The following DAB1 variants were observed in gnomAD, a reference collection of about 807,000 sequenced individuals.
The protein encoded by DAB1 is disabled homolog 1.
A neutral mutation model predicts 64.6 loss-of-function variants in DAB1; 15 were observed. The ratio of observed to expected loss-of-function variants is 0.23; its 90% confidence interval spans 0.16 to 0.36. The LOEUF is 0.36. Among genes scored for constraint, DAB1 ranks in the 10% least tolerant of loss-of-function variants. The probability of loss-of-function intolerance (pLI) is 1.00; values close to 1 mark genes in which losing one functional copy is unlikely to be tolerated. For missense variants in DAB1, 596 were observed against 706.7 expected, an observed-to-expected ratio of 0.84 and a Z score of 1.78; for synonymous variants, 235 against 251.9, an observed-to-expected ratio of 0.93 and a Z score of 0.64.
At chr1:58,531,796 GC>G (rs1444474261) in intron 1 of DAB1, among the ~76,000 whole-genome samples, 2 of 151,766 alleles carry the variant, frequency 1.3e-5, no homozygotes, top group Non-Finnish European at 2.9e-5. Flanking sequence ...TGCAACCTCC[GC>G]CTCCAGGTTC....
chr1:58,361,719 C>T (rs944540500), intron 3 of DAB1, among the ~76,000 whole-genome samples: 2 of 152,064 alleles, frequency 1.3e-5, no homozygotes, highest in Admixed American at 6.6e-5. Context: ...TTATTTAACT[C>T]CCTGAGCCTC....
upstream of DAB1, among the ~76,000 whole-genome samples, chr1:57,886,746 T>C (rs1644229380): frequency 6.6e-6 from 1 of 152,164 alleles, no homozygotes; most frequent in Non-Finnish European, 1.5e-5. Flanking sequence ...TTGTAGACTT[T>C]GGACTCAAAG....
intron 1 of DAB1, among the ~76,000 whole-genome samples, chr1:57,319,518 G>A (rs769365627): frequency 2.6e-5 from 4 of 152,074 alleles, no homozygotes; most frequent in Non-Finnish European, 5.9e-5. Flanking sequence ...CTGGATGTCT[G>A]TTTCTTAACA....
intron 4 of DAB1, among the ~76,000 whole-genome samples, chr1:57,129,830 T>G (rs1446257913): frequency 6.6e-6 from 1 of 152,114 alleles, no homozygotes; most frequent in South Asian, 2.1e-4. Context: ...ATATAGCATC[T>G]TGGGCTCCAA....
chr1:58,405,702 C>T (rs997348662), intron 3 of DAB1, among the ~76,000 whole-genome samples: 2 of 152,198 alleles, frequency 1.3e-5, no homozygotes, highest in African/African-American at 4.8e-5. Context: ...CTTATGTCTC[C>T]TGCTCATTGC....
At chr1:58,478,364 C>T (rs1645440538) in intron 3 of DAB1, among the ~76,000 whole-genome samples, 1 of 152,150 alleles carries the variant, frequency 6.6e-6, no homozygotes, top group African/African-American at 2.4e-5. Context: ...GTCTTTATAG[C>T]AGTGTGAAAA....
At chr1:57,852,208 C>T (rs1653558751) in intron 1 of DAB1, among the ~76,000 whole-genome samples, 1 of 152,176 alleles carries the variant, frequency 6.6e-6, no homozygotes, top group African/African-American at 2.4e-5. Context: ...AGGTGTCCTG[C>T]CCTGTTCCCT....
chr1:57,543,872 G>A (rs1399623295), intron 7 of DAB1, among the ~76,000 whole-genome samples: 1 of 152,190 alleles, frequency 6.6e-6, no homozygotes, highest in African/African-American at 2.4e-5. Context: ...GGAGGCCACA[G>A]CCAGAGGATT....
chr1:58,168,248 G>T (rs1048527060), intron 4 of DAB1, among the ~76,000 whole-genome samples: 1 of 152,116 alleles, frequency 6.6e-6, no homozygotes, highest in Admixed American at 6.5e-5. Context: ...AGCAGCTTCC[G>T]CTTTTCCTTT....
rs559207427 is a variant in DAB1 at position 57,291,126 on chromosome 1, T to A, written c.-96A>T. 61 of 727,778 alleles carry A rather than the reference T, an allele frequency of 8.4e-5. No individual in the cohort carries two copies. The East Asian group carries it at 1.6e-3, about 19-fold the overall frequency. The allele number at this position is 727,778 out of a possible 1,614,324, so 45.1% of individuals were successfully genotyped here. A position where few individuals can be genotyped will look rare whatever the true frequency, so the allele number is the denominator to read the frequency against. ...AGAGAAAGACTCCTCCCTTCAGAAA[T>A]GACACTCTGAGCTGCACATTTCATT... On this transcript the variant is annotated 5_prime_UTR_variant, in exon 2 of 15. Transcript: ENST00000371236.
chr1:57,296,563 AT>A (rs1673211724), intron 1 of DAB1, among the ~76,000 whole-genome samples: 1 of 152,166 alleles, frequency 6.6e-6, no homozygotes, highest in African/African-American at 2.4e-5. Context: ...ACAAAAAATG[AT>A]GAGAGAATTT....
At chr1:58,097,035 G>T (rs549482011) in intron 5 of DAB1, among the ~76,000 whole-genome samples, 1 of 152,332 alleles carries the variant, frequency 6.6e-6, no homozygotes, top group East Asian at 1.9e-4. Flanking sequence ...TCTGAGCTCT[G>T]TCCAGCAATT....
chr1:57,012,155 C>T (rs1200916600), intron 12 of DAB1, among the ~76,000 whole-genome samples: 1 of 152,180 alleles, frequency 6.6e-6, no homozygotes, highest in Non-Finnish European at 1.5e-5. Context: ...GGTGGCATGA[C>T]TTCATTTAGC....
intron 9 of DAB1, among the ~76,000 whole-genome samples, chr1:57,057,491 A>G (rs949178142): frequency 1.3e-5 from 2 of 152,134 alleles, no homozygotes; most frequent in African/African-American, 4.8e-5. Flanking sequence ...AAATCCAAAA[A>G]TTTTAGCGGT....
At chr1:58,204,699 T>G (rs1557694745) in intron 4 of DAB1, among the ~76,000 whole-genome samples, 2 of 152,216 alleles carry the variant, frequency 1.3e-5, no homozygotes, top group East Asian at 3.9e-4. Flanking sequence ...AGGCTGCTCC[T>G]GGGGGACATT....
At chr1:58,214,653 T>A (rs554640513) in intron 4 of DAB1, among the ~76,000 whole-genome samples, 17 of 152,318 alleles carry the variant, frequency 1.1e-4, no homozygotes, top group African/African-American at 4.1e-4. Context: ...ACACATGGAT[T>A]AGTTTCTCTA....
chr1:57,585,779 A>C (rs1645371802), intron 7 of DAB1, among the ~76,000 whole-genome samples: 1 of 152,250 alleles, frequency 6.6e-6, no homozygotes, highest in African/African-American at 2.4e-5. Flanking sequence ...ACATCTTGAT[A>C]TAAATATGAT....
chr1:57,009,505 G>A (rs1646199075), intron 14 of DAB1, among the ~76,000 whole-genome samples: 1 of 152,160 alleles, frequency 6.6e-6, no homozygotes, highest in East Asian at 1.9e-4. Flanking sequence ...TTCAGTAACT[G>A]TCTAACTTAC....
intron 6 of DAB1, among the ~76,000 whole-genome samples, chr1:57,701,354 G>T (rs1030208436): frequency 7.9e-5 from 12 of 152,128 alleles, no homozygotes; most frequent in African/African-American, 2.9e-4. Context: ...CACATATACA[G>T]CATGGAATAC....
Sources: allele counts gnomAD v4.1 joint callset (sites outside exome capture counted in the v4.1 genomes callset), GRCh38; gene constraint gnomAD v4.1.1; transcripts MANE v1.5; gene names NCBI Gene and HGNC (gene_info 2026-07-23, HGNC 2026-07-21).